The following NFATC3 variants were observed in gnomAD, a reference collection of about 807,000 sequenced individuals.
NFATC3 encodes the protein nuclear factor of activated T cells 3.
NFATC3 carries 46 observed loss-of-function variants against 98.6 expected under a neutral mutation model. That is an observed-to-expected ratio of 0.47 (90% CI 0.37 to 0.60). The LOEUF (loss-of-function observed/expected upper bound fraction) is 0.60. NFATC3 is among the 20% of genes least tolerant of loss of function. The probability of loss-of-function intolerance (pLI) is 0.00; values close to 1 mark genes in which losing one functional copy is unlikely to be tolerated. For missense variants in NFATC3, 1,256 were observed against 1,295.5 expected, an observed-to-expected ratio of 0.97 and a Z score of 0.47; for synonymous variants, 512 against 472.2, an observed-to-expected ratio of 1.08 and a Z score of -1.09.
chr16:68,214,895 C>T (rs890351935), intron 9 of NFATC3, among the ~76,000 whole-genome samples: 4 of 152,084 alleles, frequency 2.6e-5, no homozygotes, highest in Admixed American at 6.6e-5. Flanking sequence ...TTTGCACTTC[C>T]GGTAGTCCTC....
At chr16:68,133,739 T>G (rs1296501083) in intron 3 of NFATC3, among the ~76,000 whole-genome samples, 1 of 152,224 alleles carries the variant, frequency 6.6e-6, no homozygotes, top group Admixed American at 6.5e-5. Flanking sequence ...ATTCATCAAA[T>G]TTTTGTTGTT....
chr16:68,138,689 C>T (rs1339202672), intron 3 of NFATC3: 2 of 1,285,942 alleles, frequency 1.6e-6, no homozygotes, highest in African/African-American at 1.5e-5. Context: ...GCCCTACTTA[C>T]ATGCAGAAGT....
At chr16:68,091,413 A>G (rs237834) in intron 1 of NFATC3, among the ~76,000 whole-genome samples, 149,456 of 152,330 alleles carry the variant, frequency 0.98, 73,346 homozygotes, top group East Asian at 1. Context: ...CTGCTTTTGA[A>G]GTTTGCTCTA....
chr16:68,121,954 TG>T (rs756180348), intron 1 of NFATC3, 32 bp from the exon 2 acceptor site: 3 of 1,522,600 alleles, frequency 2.0e-6, no homozygotes, highest in African/African-American at 1.4e-5. Context: ...CTTGTTTTGT[TG>T]GGTTTTTTTT....
rs531192979 is a variant in NFATC3, at chr16:68,226,201, C to T, written c.3107-149C>T. 5 of 824,416 alleles carry T rather than the reference C, an allele frequency of 6.1e-6. No homozygotes were observed. The African/African-American group carries it at 9.0e-5, about 15-fold the overall frequency. 51.1% of individuals were successfully genotyped at this position (824,416 alleles called of 1,614,324 possible). ...GGAGCGATGTTTCCATCTCTAATGC[C>T]ACTCAGCTCAGGAGCAGGCTTCAGA... On this transcript the variant is annotated intron_variant, in intron 9 of 9. Coordinates refer to ENST00000346183, the MANE Select transcript of NFATC3 (RefSeq NM_173165.3).
intron 1 of NFATC3, among the ~76,000 whole-genome samples, chr16:68,100,907 G>GGTGTGTGT (rs753839799): frequency 6.3e-5 from 9 of 142,824 alleles, no homozygotes; most frequent in African/African-American, 2.0e-4. Context: ...GTGTGTGTGG[G>GGTGTGTGT]GTGTGTGTGT....
intron 9 of NFATC3, among the ~76,000 whole-genome samples, chr16:68,217,253 G>T (rs1378969159): frequency 2.0e-5 from 3 of 151,742 alleles, no homozygotes; most frequent in Non-Finnish European, 4.4e-5. Flanking sequence ...GCAACATGGC[G>T]AAACCTTGTC....
In NFATC3 at chr16:68,226,450, AG is replaced by A; in HGVS notation, c.3209del (p.Gly1070GlufsTer115). The A allele has an allele frequency of 6.4e-7, 1 of 1,555,132 alleles. No homozygotes were observed. The highest frequency in any genetic ancestry group is 2.1e-5 in the Admixed American group (1 of 47,316). On this transcript the variant is annotated frameshift_variant, in exon 10 of 10. Transcript: ENST00000346183. LOFTEE classifies it high-confidence loss of function. The part of the protein sequence containing the change: ...PLPSPESLDL[G>X]RSDGL ...TCCCGAGTCCTGAGTCCCTGGATTT[AG>A]GAAGATCTGATGGGCTCTAACAGTG...
intron 9 of NFATC3, chr16:68,192,192 A>G: frequency 7.4e-6 from 1 of 134,240 alleles, no homozygotes; most frequent in South Asian, 2.4e-4. Flanking sequence ...TGGGCGGCAG[A>G]GCAAGACTCC....
chr16:68,095,644 G>A (rs2034984533), intron 1 of NFATC3, among the ~76,000 whole-genome samples: 1 of 152,148 alleles, frequency 6.6e-6, no homozygotes, highest in African/African-American at 2.4e-5. Context: ...ATGAGCCCCT[G>A]TGCCCAGCCA....
chr16:68,132,105 G>A (rs889524121), intron 3 of NFATC3, among the ~76,000 whole-genome samples: 1 of 152,086 alleles, frequency 6.6e-6, no homozygotes, highest in Non-Finnish European at 1.5e-5. Flanking sequence ...TAGAAAAATA[G>A]CTTTTAGATA....
intron 1 of NFATC3, chr16:68,088,994 C>T: frequency 1.0e-6 from 1 of 985,392 alleles, no homozygotes; most frequent in South Asian, 4.7e-5. Context: ...GAATAAATAA[C>T]ACCTAAGTTT....
At position 68,227,528 on chromosome 16, in the gene NFATC3, TG is replaced by T. The variant is rs1384561671; in HGVS notation, c.*1060del. 6.6e-6 allele frequency: 1 copy of T among 152,242 alleles called. No individual in the cohort carries two copies. The highest frequency in any genetic ancestry group is 1.5e-5 in the Non-Finnish European group (1 of 68,068). 9.4% of individuals were successfully genotyped at this position (152,242 alleles called of 1,614,324 possible). On this transcript the variant is annotated 3_prime_UTR_variant, in exon 10 of 10. Coordinates refer to ENST00000346183, the MANE Select transcript of NFATC3 (RefSeq NM_173165.3). ...GGCAGAGAAAATACAGGACTCCAGA[TG>T]GGAAGGTTTTAAGAGTCACACTGGC...
intron 1 of NFATC3, among the ~76,000 whole-genome samples, chr16:68,114,547 GGCA>G (rs2036164456): frequency 6.6e-6 from 1 of 151,652 alleles, no homozygotes; most frequent in South Asian, 2.1e-4. Context: ...GGTAACATCT[GGCA>G]GCACATCAAG....
chr16:68,163,358 G>A lies in NFATC3; in HGVS notation c.1602-3485G>A, dbSNP rs535320969. On this transcript the variant is annotated intron_variant, in intron 4 of 9. Coordinates refer to ENST00000346183, the MANE Select transcript of NFATC3 (RefSeq NM_173165.3). ...ACCTCCCGGGCGGGGCGGCTGGCTG[G>A]GCTGGGGGCTGACCCCACCACCTCC... Among the ~76,000 whole-genome samples, 10 of 151,370 alleles carry A rather than the reference G, an allele frequency of 6.6e-5. No individual in the cohort carries two copies. The East Asian group carries it at 2.0e-3, about 30-fold the overall frequency.
chr16:68,138,470 T>G, intron 3 of NFATC3: 1 of 1,250,234 alleles, frequency 8.0e-7, no homozygotes, highest in South Asian at 1.4e-5. Context: ...AAAAAATTTT[T>G]TAAAAGTTTA....
At chr16:68,196,037 C>T (rs866649299) in intron 9 of NFATC3, among the ~76,000 whole-genome samples, 14 of 151,826 alleles carry the variant, frequency 9.2e-5, no homozygotes, top group African/African-American at 2.9e-4. Flanking sequence ...TTTGTTAAAA[C>T]GCACTTCTGA....
intron 3 of NFATC3, among the ~76,000 whole-genome samples, chr16:68,150,205 G>A (rs567044239): frequency 2.0e-5 from 3 of 152,132 alleles, no homozygotes; most frequent in Non-Finnish European, 4.4e-5. Flanking sequence ...AGCTCTATCA[G>A]ACCCAGCCCC....
intron 1 of NFATC3, chr16:68,088,870 C>G (rs535878519): frequency 5.5e-4 from 264 of 477,794 alleles, no homozygotes; most frequent in Non-Finnish European, 6.7e-4. Flanking sequence ...GGAAGTCTCA[C>G]TATGTTGCCC....
Sources: gnomAD v4.1 joint callset for allele counts (sites outside exome capture counted in the v4.1 genomes callset) on GRCh38, gnomAD v4.1.1 for gene constraint, MANE v1.5 for transcripts, NCBI Gene and HGNC (gene_info 2026-07-23, HGNC 2026-07-21) for gene names.